The following SLC3A2 variants were observed in gnomAD, a reference collection of about 807,000 sequenced individuals.
SLC3A2 encodes the protein solute carrier family 3 member 2.
In SLC3A2, 32 loss-of-function variants were observed where a neutral mutation model predicts 48.5. That is an observed-to-expected ratio of 0.66 (90% CI 0.50 to 0.89). SLC3A2 has a LOEUF of 0.89. SLC3A2 is among the 40% of genes least tolerant of loss of function. The pLI is 0.00. For missense variants in SLC3A2, 587 were observed against 680.7 expected (o/e 0.86, Z 1.53); for synonymous variants, 277 against 288.8 (o/e 0.96, Z 0.41).
intron 1 of SLC3A2, among the ~76,000 whole-genome samples, chr11:62,862,427 G>T (rs2134974506): frequency 6.7e-6 from 1 of 150,270 alleles, no homozygotes; most frequent in South Asian, 2.1e-4. Flanking sequence ...AGGTGAGAGG[G>T]TCCCTTGAGG....
intron 1 of SLC3A2, among the ~76,000 whole-genome samples, chr11:62,867,451 G>A (rs1331401009): frequency 4.0e-5 from 6 of 148,512 alleles, no homozygotes; most frequent in Admixed American, 1.4e-4. Context: ...TCAGCCTCCC[G>A]AGTAGCTGGG....
intron 1 of SLC3A2, among the ~76,000 whole-genome samples, chr11:62,869,955 G>GT (rs1186023155): frequency 4.0e-5 from 6 of 151,214 alleles, no homozygotes; most frequent in Admixed American, 4.0e-4. Context: ...GCTAATTTTT[G>GT]TATTTTTAGT....
chr11:62,888,022 C>T, intron 7 of SLC3A2, 113 bp from the exon 8 acceptor site: 1 of 914,670 alleles, frequency 1.1e-6, no homozygotes, highest in South Asian at 1.5e-5. Flanking sequence ...TTTCAAATGC[C>T]TGGGCTCAAG....
Position 62,881,507 on chromosome 11 carries a change from C to A in SLC3A2, c.424+60C>A. 2.0e-6 allele frequency: 3 copies of A among 1,496,428 alleles called. No individual in the cohort carries two copies. Among genetic ancestry groups the A allele is most frequent in the South Asian group, 2.6e-5 (2 of 76,692 alleles). The allele number at this position is 1,496,428 out of a possible 1,614,324, so 92.7% of individuals were successfully genotyped here. A position where few individuals can be genotyped will look rare whatever the true frequency, so the allele number is the denominator to read the frequency against. ...GGTTGAATCTGGTGGCTTGCACCGA[C>A]CCCCTCCCCTGTCCCCAGACGGATC... On this transcript the variant is annotated intron_variant, in intron 1 of 8. Coordinates refer to ENST00000338663, the MANE Select transcript of SLC3A2 (RefSeq NM_001013251.3). This position sits in a 1 kb window ranked among gnomAD's most constrained non-coding sequence, Gnocchi z 4.0.
chr11:62,860,119 C>T (rs2085382954), intron 1 of SLC3A2, among the ~76,000 whole-genome samples: 1 of 152,112 alleles, frequency 6.6e-6, no homozygotes, highest in Non-Finnish European at 1.5e-5. Context: ...GACTCTGTGT[C>T]ATAAATAAGT....
rs964443170 is a variant in SLC3A2 at position 62,871,732 on chromosome 11, A to G, written c.113-9287A>G. The G allele has an allele frequency of 3.2e-5, 16 of 506,584 alleles. No individual in the cohort carries two copies. In the Admixed American group the frequency reaches 5.6e-4, roughly 18 times the overall value. The allele number at this position is 506,584 out of a possible 1,614,324, so 31.4% of individuals were successfully genotyped here. On this transcript the variant is annotated intron_variant, in intron 1 of 9. Coordinates refer to the SLC3A2 transcript ENST00000377889. Reference sequence around the variant, plus strand: ...GGTAGAATTTGTCTTTAAAAATACGATTTTTTTTCTTTAAAGATATCTTTA... The same window carrying G: ...GGTAGAATTTGTCTTTAAAAATACGGTTTTTTTTCTTTAAAGATATCTTTA...
rs574797170 is a variant in SLC3A2 at position 62,857,793 on chromosome 11, G to A, written c.112+1412G>A. ...AGACAAGGCTGGGGAGGTTGTGTGTGGGAATGGCAGTCGGGAAATGCTTTA... is the reference window on the plus strand; with the variant it reads ...AGACAAGGCTGGGGAGGTTGTGTGTAGGAATGGCAGTCGGGAAATGCTTTA... On this transcript the variant is annotated intron_variant, in intron 1 of 9. Coordinates refer to the SLC3A2 transcript ENST00000377889. 1.3e-4 allele frequency among the ~76,000 whole-genome samples: 19 copies of A among 151,940 alleles called. No individual in the cohort carries two copies. In the South Asian group the frequency reaches 4.0e-3, roughly 32 times the overall value.
At chr11:62,867,051 A>T (rs775209502) in intron 1 of SLC3A2, among the ~76,000 whole-genome samples, 1 of 150,486 alleles carries the variant, frequency 6.6e-6, no homozygotes, top group Admixed American at 6.6e-5. Flanking sequence ...AGTGCGATGG[A>T]CTGATCTCGG....
intron 1 of SLC3A2, among the ~76,000 whole-genome samples, chr11:62,860,411 A>G (rs541641550): frequency 6.6e-6 from 1 of 151,842 alleles, no homozygotes; most frequent in African/African-American, 2.4e-5. Context: ...AGGCTGAGGC[A>G]GGAGAATGGT....
upstream of SLC3A2, among the ~76,000 whole-genome samples, chr11:62,879,095 T>G (rs1590630519): frequency 6.6e-6 from 1 of 151,318 alleles, no homozygotes; most frequent in Non-Finnish European, 1.5e-5. Flanking sequence ...TGAGGCAGAG[T>G]CTTGCTCTAT....
upstream of SLC3A2, chr11:62,880,754 A>C (rs1399997815): frequency 2.0e-6 from 1 of 501,644 alleles, no homozygotes; most frequent in Non-Finnish European, 3.5e-6. Context: ...TGGACCATGC[A>C]GGAAGTACTG....
intron 1 of SLC3A2, among the ~76,000 whole-genome samples, chr11:62,872,678 C>T (rs2085530068): frequency 6.6e-6 from 1 of 152,228 alleles, no homozygotes; most frequent in Non-Finnish European, 1.5e-5. Flanking sequence ...TCTCGGCTCA[C>T]TGCAACCTCT....
chr11:62,868,902 T>C (rs560645825), intron 1 of SLC3A2, among the ~76,000 whole-genome samples: 1 of 152,064 alleles, frequency 6.6e-6, no homozygotes, highest in East Asian at 2.0e-4. Context: ...ATTTTGTGAA[T>C]TGGCTTTTTT....
At chr11:62,856,823 C>T (rs1300967555) in intron 1 of SLC3A2, among the ~76,000 whole-genome samples, 4 of 98,824 alleles carry the variant, frequency 4.0e-5, no homozygotes, top group East Asian at 2.9e-4. Context: ...ACATTTTTTT[C>T]TTTCTTTTTT....
At chr11:62,887,764 T>G (rs1590639657) in intron 7 of SLC3A2, 1 of 165,886 alleles carries the variant, frequency 6.0e-6, no homozygotes, top group East Asian at 1.7e-4. Context: ...GATGAGGATG[T>G]GAATGGGAAG....
chr11:62,885,018 A>T (rs2085690871), intron 5 of SLC3A2, among the ~76,000 whole-genome samples, 159 bp from the exon 6 acceptor site: 1 of 151,092 alleles, frequency 6.6e-6, no homozygotes, highest in Non-Finnish European at 1.5e-5. Flanking sequence ...TTTAGTAGAG[A>T]CGGGGTTTCT....
At chr11:62,878,036 A>G (rs1938210873), upstream of SLC3A2, among the ~76,000 whole-genome samples, 4 of 152,118 alleles carry the variant, frequency 2.6e-5, no homozygotes, top group South Asian at 6.2e-4. Flanking sequence ...CACGCCTCCT[A>G]TAATCTCAAC....
intron 1 of SLC3A2, among the ~76,000 whole-genome samples, chr11:62,868,365 C>G (rs939532210): frequency 1.5e-5 from 2 of 132,710 alleles, no homozygotes; most frequent in Non-Finnish European, 3.3e-5. Context: ...TATTTTCATT[C>G]TTTTTTTTTT....
intron 7 of SLC3A2, among the ~76,000 whole-genome samples, chr11:62,886,228 G>T (rs1433800795): frequency 6.6e-6 from 1 of 151,996 alleles, no homozygotes; most frequent in Non-Finnish European, 1.5e-5. Context: ...GGCAGAGGTT[G>T]CAGTGAACTG....
Sources: gnomAD v4.1 joint callset for allele counts (sites outside exome capture counted in the v4.1 genomes callset) on GRCh38, gnomAD v4.1.1 for gene constraint, Gnocchi (gnomAD v3.1) non-coding constraint, MANE v1.5 for transcripts, NCBI Gene and HGNC (gene_info 2026-07-23, HGNC 2026-07-21) for gene names.